Variants in ACAD8 observed in about 807,000 individuals in gnomAD.
ACAD8 encodes acyl-CoA dehydrogenase family member 8, also known as isobutyryl-CoA dehydrogenase, mitochondrial.
Under a neutral mutation model 53.1 loss-of-function variants are expected in ACAD8, and 47 were observed. The ratio of observed to expected loss-of-function variants is 0.89; its 90% confidence interval spans 0.70 to 1.13. ACAD8 has a LOEUF of 1.13. ACAD8 is among the 50% of genes most tolerant of loss of function. The pLI, the probability that ACAD8 is intolerant of heterozygous loss-of-function variation, is 0.00. For missense variants in ACAD8, 494 were observed against 535.0 expected (o/e 0.92, Z 0.76); for synonymous variants, 198 against 201.3 (o/e 0.98, Z 0.14).
chr11:134,260,774 AAG>A (rs1939826681), intron 6 of ACAD8: 1 of 493,172 alleles, frequency 2.0e-6, no homozygotes, highest in Admixed American at 3.3e-5. Flanking sequence ...ACAATCCTAA[AAG>A]AAGTTGTGAG....
chr11:134,253,954 CCGGT>C (rs1349694806), intron 1 of ACAD8, among the ~76,000 whole-genome samples: 2 of 148,808 alleles, frequency 1.3e-5, no homozygotes, highest in African/African-American at 4.9e-5. Context: ...CCTCCTCCGG[CCGGT>C]CACCCCCGCC....
chr11:134,258,401 C>T (rs955623789), intron 3 of ACAD8, 114 bp from the exon 4 acceptor site: 33 of 744,446 alleles, frequency 4.4e-5, no homozygotes, highest in Admixed American at 8.0e-5. Flanking sequence ...CCTTCCCACT[C>T]TTCTGCTTTA....
chr11:134,260,920 T>G, intron 6 of ACAD8, 124 bp from the exon 7 acceptor site: 2 of 1,153,888 alleles, frequency 1.7e-6, no homozygotes, highest in Non-Finnish European at 2.5e-6. Context: ...TTTTCCTCAT[T>G]TTAAGTTCTT....
At chr11:134,263,594 A>C in intron 10 of ACAD8, 1 of 985,480 alleles carries the variant, frequency 1.0e-6, no homozygotes, top group Non-Finnish European at 1.2e-6. Flanking sequence ...TCATTCCAGA[A>C]AGATGTTTAT....
At chr11:134,262,824 G>A (rs1321345386) in intron 10 of ACAD8, 1 of 1,462,284 alleles carries the variant, frequency 6.8e-7, no homozygotes, top group Non-Finnish European at 9.1e-7. Context: ...CCTTTCGGGG[G>A]GCCTCAGATC....
rs191800299 is a variant in ACAD8 at position 134,264,497 on chromosome 11, G to A, written c.1196-411G>A. The stretch of plus-strand genomic sequence containing the variant: ...CACACCACTGCACTCCAGCCTGGGC[G>A]ACAGCAAGACTGTCTCAAAAGAAAA... On this transcript the variant is annotated intron_variant, in intron 10 of 10. Coordinates refer to ENST00000281182, the MANE Select transcript of ACAD8 (RefSeq NM_014384.3). 3.5e-3 allele frequency among the ~76,000 whole-genome samples: 535 copies of A among 151,948 alleles called. 2 individuals are homozygous for A. Among genetic ancestry groups the A allele is most frequent in the Non-Finnish European group, 4.6e-3 (314 of 68,010 alleles).
intron 4 of ACAD8, 79 bp from the exon 5 acceptor site, chr11:134,258,929 G>T: frequency 8.1e-7 from 1 of 1,231,834 alleles, no homozygotes; most frequent in East Asian, 2.3e-5. Context: ...AGATTTCCTA[G>T]AAGATAGAAT....
In ACAD8 at chr11:134,261,083, G is replaced by A. The variant is rs1198941771; in HGVS notation, c.745G>A (p.Glu249Lys). 6 of 1,612,198 alleles carry A rather than the reference G, an allele frequency of 3.7e-6. No individual in the cohort carries two copies. The highest frequency in any genetic ancestry group is 2.2e-5 in the East Asian group (1 of 44,852). The change falls in exon 7 of 11, where the codon GAA becomes AAA. Residue 249 changes from glutamate (E) to lysine (K), a missense_variant. Glu to Lys is a moderately conservative substitution (Grantham distance 56, BLOSUM62 1). Transcript: ENST00000281182. The surrounding 1 kb of genome is among the most constrained non-coding windows in gnomAD (Gnocchi z 4.2). ...NSQPTRAVIF[E>K]DCAVPVANRI... ...CCAGCCAACACGAGCTGTGATCTTC[G>A]AAGACTGTGCTGTCCCTGTGGCCAA... is the stretch of plus-strand genomic sequence containing the variant.
rs747706164 is a variant in ACAD8, at chr11:134,259,069, C to G, written c.552C>G (p.Ile184Met). The change falls in exon 5 of 11, where the codon ATC becomes ATG. Residue 184 changes from isoleucine (I) to methionine (M), a missense_variant. Physicochemically the swap from Ile to Met is conservative, Grantham distance 10. Transcript: ENST00000281182. ...TSAKKQGDHY[I>M]LNGSKAFISG... ...CTAAGAAACAGGGAGATCATTACATCCTCAATGGCTCCAAGGTACTAGCGT... is the reference window on the plus strand; with the variant it reads ...CTAAGAAACAGGGAGATCATTACATGCTCAATGGCTCCAAGGTACTAGCGT... 10 of 1,614,008 alleles carry G rather than the reference C, an allele frequency of 6.2e-6. No individual in the cohort carries two copies. The Admixed American group carries it at 1.2e-4, about 19-fold the overall frequency.
chr11:134,262,717 G>A (rs1446016584), intron 10 of ACAD8, 95 bp downstream of exon 10: 1 of 1,520,744 alleles, frequency 6.6e-7, no homozygotes. Context: ...GGGCCTCAGG[G>A]TGCAGTCAAG....
At chr11:134,263,869 T>C (rs1940043754) in intron 10 of ACAD8, 1 of 985,236 alleles carries the variant, frequency 1.0e-6, no homozygotes, top group African/African-American at 1.7e-5. Flanking sequence ...TTATGCTTTA[T>C]TTGAGACGAT....
In ACAD8 at chr11:134,262,518, A is replaced by G. The variant is rs1939944104; in HGVS notation, c.1093-2A>G. 1 of 1,610,116 alleles carries G rather than the reference A, an allele frequency of 6.2e-7. No individual in the cohort carries two copies. Among genetic ancestry groups the G allele is most frequent in the Non-Finnish European group, 8.5e-7 (1 of 1,176,700 alleles). On this transcript the variant is annotated splice_acceptor_variant, in intron 9 of 10. Coordinates refer to ENST00000281182, the MANE Select transcript of ACAD8 (RefSeq NM_014384.3). LOFTEE classifies it high-confidence loss of function. ...AGACGTCTAGTCCCTGTCTCCCTGC[A>G]GATCTGCAACCAGGCCTTGCAGATG...
chr11:134,253,777 C>A, intron 1 of ACAD8, 68 bp downstream of exon 1: 1 of 1,435,884 alleles, frequency 7.0e-7, no homozygotes, highest in Non-Finnish European at 9.5e-7. Flanking sequence ...CCGCGAGGGG[C>A]TGCAGTCTCC....
rs1352011247 is a variant in ACAD8, at chr11:134,265,324, C to T, written c.*364C>T. 1.5e-5 allele frequency: 4 copies of T among 262,096 alleles called. No homozygotes were observed. The highest frequency in any genetic ancestry group is 2.9e-5 in the Non-Finnish European group (4 of 135,794). 16.2% of individuals were successfully genotyped at this position (262,096 alleles called of 1,614,324 possible). On this transcript the variant is annotated 3_prime_UTR_variant, in exon 11 of 11. Coordinates refer to ENST00000281182, the MANE Select transcript of ACAD8 (RefSeq NM_014384.3). ...TTCACTGGATCCCTCCTCTAGGGGCCTGGGGACTTTCACTGATGCTCTTCC... is the reference window on the plus strand; with the variant it reads ...TTCACTGGATCCCTCCTCTAGGGGCTTGGGGACTTTCACTGATGCTCTTCC...
intron 10 of ACAD8, among the ~76,000 whole-genome samples, chr11:134,264,216 A>G (rs535762257): frequency 7.2e-5 from 11 of 152,294 alleles, no homozygotes; most frequent in African/African-American, 2.6e-4. Flanking sequence ...GTGGTGGTGC[A>G]TGCCTGGAAT....
Position 134,261,492 on chromosome 11 carries a change from G to A in ACAD8, c.939+120G>A, listed in dbSNP as rs537470371. On this transcript the variant is annotated intron_variant, in intron 8 of 10. Transcript: ENST00000281182. The surrounding 1 kb of genome is among the most constrained non-coding windows in gnomAD (Gnocchi z 4.2). ...CTCTGTCAGTCCCACCACTGTCCTA[G>A]CCAGAGCTTGTGCTTTATTTCTGTC... 14 of 1,501,692 alleles carry A rather than the reference G, an allele frequency of 9.3e-6. No individual in the cohort carries two copies. The highest frequency in any genetic ancestry group is 1.3e-5 in the Non-Finnish European group (14 of 1,092,002). The allele number at this position is 1,501,692 out of a possible 1,614,324, so 93.0% of individuals were successfully genotyped here.
At chr11:134,262,349 T>C (rs1939933780) in intron 9 of ACAD8, 171 bp from the exon 10 acceptor site, 4 of 668,848 alleles carry the variant, frequency 6.0e-6, no homozygotes, top group Non-Finnish European at 1.1e-5. Context: ...TAGGTGAACT[T>C]CCCTTGTCTC....
At chr11:134,255,176 G>T (rs184772182) in intron 1 of ACAD8, among the ~76,000 whole-genome samples, 19 of 152,188 alleles carry the variant, frequency 1.2e-4, no homozygotes, top group Admixed American at 5.9e-4. Flanking sequence ...TCTTTCTGTT[G>T]CCCAGGCTGG....
chr11:134,256,928 AC>A, intron 2 of ACAD8, 159 bp from the exon 3 acceptor site: 1 of 780,642 alleles, frequency 1.3e-6, no homozygotes, highest in Non-Finnish European at 2.1e-6. Context: ...TTTTTACAGG[AC>A]CCATGTTAAC....
Sources: allele counts gnomAD v4.1 joint callset (sites outside exome capture counted in the v4.1 genomes callset), GRCh38; gene constraint gnomAD v4.1.1; non-coding constraint Gnocchi (gnomAD v3.1); transcripts MANE v1.5; gene names NCBI Gene and HGNC (gene_info 2026-07-23, HGNC 2026-07-21).